The following SPOCK3 variants were observed in gnomAD, a reference collection of about 807,000 sequenced individuals.
SPOCK3 encodes the protein testican-3.
Under a neutral mutation model 56.6 loss-of-function variants are expected in SPOCK3, and 30 were observed. The ratio of observed to expected loss-of-function variants is 0.53; its 90% CI spans 0.40 to 0.72. The LOEUF (loss-of-function observed/expected upper bound fraction) is 0.72, where lower values mean the gene tolerates loss of function less well. Ranked by LOEUF, SPOCK3 falls within the 30% of genes least tolerant of loss-of-function variation. SPOCK3 has a pLI of 0.00. For synonymous variants in SPOCK3, 196 were observed against 183.3 expected, an observed-to-expected ratio of 1.07 and a Z score of -0.56; for missense variants, 527 against 530.0, an observed-to-expected ratio of 0.99 and a Z score of 0.06.
intron 2 of SPOCK3, among the ~76,000 whole-genome samples, chr4:167,112,560 G>A (rs1166651079): frequency 6.6e-6 from 1 of 152,096 alleles, no homozygotes; most frequent in African/African-American, 2.4e-5. Flanking sequence ...AGATTGTCAT[G>A]TCTCCAACAG....
At chr4:166,819,069 A>C (rs1744662448) in intron 6 of SPOCK3, among the ~76,000 whole-genome samples, 1 of 152,016 alleles carries the variant, frequency 6.6e-6, no homozygotes, top group Non-Finnish European at 1.5e-5. Context: ...ATCCTTGCTT[A>C]CCCTTGTCAT....
intron 2 of SPOCK3, among the ~76,000 whole-genome samples, chr4:167,188,394 CAGAAT>C (rs1732198963): frequency 6.9e-6 from 1 of 145,306 alleles, no homozygotes; most frequent in African/African-American, 2.6e-5. Context: ...AAATAGTGAA[CAGAAT>C]AGAACTAGAA....
At chr4:167,142,574 GAACA>G (rs1763625394) in intron 2 of SPOCK3, among the ~76,000 whole-genome samples, 1 of 152,070 alleles carries the variant, frequency 6.6e-6, no homozygotes, top group Middle Eastern at 3.4e-3. Context: ...GGAATGCTTT[GAACA>G]AACAAACGGA....
chr4:166,868,344 T>C (rs1732085006), intron 6 of SPOCK3, among the ~76,000 whole-genome samples: 1 of 151,604 alleles, frequency 6.6e-6, no homozygotes, highest in South Asian at 2.1e-4. Flanking sequence ...CCTGCAACTG[T>C]AGCTAATCAG....
At chr4:167,000,264 A>G (rs1748810922) in intron 4 of SPOCK3, 85 bp downstream of exon 4, 4 of 602,050 alleles carry the variant, frequency 6.6e-6, no homozygotes, top group Non-Finnish European at 1.2e-5. Flanking sequence ...AAAGATTAGC[A>G]GGCACTGCCA....
intron 5 of SPOCK3, among the ~76,000 whole-genome samples, chr4:166,891,563 T>C (rs1431729132): frequency 6.6e-6 from 1 of 152,014 alleles, no homozygotes; most frequent in Non-Finnish European, 1.5e-5. Context: ...TTTTTCATTA[T>C]TCAATGCTTC....
At chr4:167,128,331 C>T (rs936419883) in intron 2 of SPOCK3, among the ~76,000 whole-genome samples, 2 of 152,172 alleles carry the variant, frequency 1.3e-5, no homozygotes, top group African/African-American at 2.4e-5. Context: ...TACCCTTCAT[C>T]TTACTGGACC....
At chr4:167,066,137 T>C (rs1756108920) in intron 2 of SPOCK3, among the ~76,000 whole-genome samples, 2 of 151,920 alleles carry the variant, frequency 1.3e-5, no homozygotes, top group Admixed American at 1.3e-4. Flanking sequence ...TTTTTCCTTG[T>C]GGTTTTAATG....
At chr4:167,046,196 C>T (rs367853411) in intron 3 of SPOCK3, among the ~76,000 whole-genome samples, 2 of 151,954 alleles carry the variant, frequency 1.3e-5, no homozygotes, top group East Asian at 3.9e-4. Context: ...TGATTCTCTA[C>T]AGGAAATGTG....
chr4:166,852,850 T>C (rs890624520), intron 6 of SPOCK3, among the ~76,000 whole-genome samples: 3 of 152,156 alleles, frequency 2.0e-5, no homozygotes, highest in Non-Finnish European at 4.4e-5. Flanking sequence ...TAGAAGAAAG[T>C]CTCAAAACAT....
chr4:166,842,131 A>G (rs1378831823), intron 6 of SPOCK3, among the ~76,000 whole-genome samples: 1 of 152,172 alleles, frequency 6.6e-6, no homozygotes, highest in African/African-American at 2.4e-5. Context: ...CTTTGCAGTG[A>G]GTGTTATAGC....
At chr4:166,777,250 A>C (rs1243933354) in intron 7 of SPOCK3, among the ~76,000 whole-genome samples, 2 of 152,222 alleles carry the variant, frequency 1.3e-5, no homozygotes, top group Admixed American at 6.5e-5. Flanking sequence ...AAACAAAAAC[A>C]TTGAGAAACA....
chr4:166,945,301 T>A (rs1741592942), intron 4 of SPOCK3, among the ~76,000 whole-genome samples: 1 of 152,154 alleles, frequency 6.6e-6, no homozygotes, highest in African/African-American at 2.4e-5. Flanking sequence ...CATATATACA[T>A]ATAAATACCT....
chr4:166,948,565 G>A (rs1467237311), intron 4 of SPOCK3, among the ~76,000 whole-genome samples: 1 of 151,948 alleles, frequency 6.6e-6, no homozygotes, highest in African/African-American at 2.4e-5. Context: ...CATTATAACT[G>A]TAAAAAGATG....
At chr4:166,906,482 T>TA (rs34213978) in intron 5 of SPOCK3, among the ~76,000 whole-genome samples, 55,169 of 107,392 alleles carry the variant, frequency 0.51, 11,766 homozygotes, top group Non-Finnish European at 0.57. Context: ...GTTGGCTACA[T>TA]AAAAAAAAAA....
At chr4:167,083,278 G>A (rs773638909) in intron 2 of SPOCK3, 4 of 765,006 alleles carry the variant, frequency 5.2e-6, no homozygotes, top group South Asian at 2.7e-5. Flanking sequence ...CTCCAACCAA[G>A]CCCAAATCCT....
At chr4:167,130,839 T>G (rs1489406801) in intron 2 of SPOCK3, among the ~76,000 whole-genome samples, 2 of 152,016 alleles carry the variant, frequency 1.3e-5, no homozygotes, top group African/African-American at 4.8e-5. Flanking sequence ...CTAGAAAAAT[T>G]TAGATTAAAA....
At chr4:167,184,290 T>C (rs1417117445) in intron 2 of SPOCK3, among the ~76,000 whole-genome samples, 1 of 152,178 alleles carries the variant, frequency 6.6e-6, no homozygotes, top group Admixed American at 6.5e-5. Flanking sequence ...CAGTTTTAGG[T>C]GGCATGTTTC....
chr4:167,007,633 T>C (rs926719373), intron 3 of SPOCK3, among the ~76,000 whole-genome samples: 1 of 152,182 alleles, frequency 6.6e-6, no homozygotes, highest in Non-Finnish European at 1.5e-5. Flanking sequence ...GTCATTGCCC[T>C]GTAGAAATCT....
Sources: allele counts gnomAD v4.1 joint callset (sites outside exome capture counted in the v4.1 genomes callset), GRCh38; gene constraint gnomAD v4.1.1; transcripts MANE v1.5; gene names NCBI Gene and HGNC (gene_info 2026-07-23, HGNC 2026-07-21).